The following WWC2 variants were observed in gnomAD, a reference collection of about 807,000 sequenced individuals.
The protein encoded by WWC2 is WW and C2 domain containing 2.
Under a neutral mutation model 138.5 loss-of-function variants are expected in WWC2, and 101 were observed. The observed-to-expected ratio is 0.73, with a 90% CI of 0.62 to 0.86. The LOEUF (loss-of-function observed/expected upper bound fraction) is 0.86, where lower values mean the gene tolerates loss of function less well. WWC2 is among the 40% of genes least tolerant of loss of function. The pLI, the probability that WWC2 is intolerant of heterozygous loss-of-function variation, is 0.00. For synonymous variants in WWC2, 558 were observed against 538.4 expected, an observed-to-expected ratio of 1.04 and a Z score of -0.50; for missense variants, 1,420 against 1,419.4, an observed-to-expected ratio of 1.00 and a Z score of -0.01.
intron 19 of WWC2, among the ~76,000 whole-genome samples, chr4:183,284,769 C>G (rs80272622): frequency 1.2e-3 from 185 of 152,224 alleles, no homozygotes; most frequent in African/African-American, 4.0e-3. Context: ...CCATGTTTGT[C>G]TTGTTGAACT....
chr4:183,308,514 A>G (rs1283843472), intron 21 of WWC2, among the ~76,000 whole-genome samples: 1 of 152,204 alleles, frequency 6.6e-6, no homozygotes, highest in Non-Finnish European at 1.5e-5. Context: ...TGGTGAAAAA[A>G]TAGACAAATC....
intron 1 of WWC2, among the ~76,000 whole-genome samples, chr4:183,117,440 C>T (rs901287518): frequency 2.6e-5 from 4 of 151,620 alleles, no homozygotes; most frequent in African/African-American, 4.8e-5. Context: ...AGGCTGGTCT[C>T]GAACTCCTGA....
chr4:183,145,512 G>A (rs1379228697), intron 1 of WWC2, among the ~76,000 whole-genome samples: 1 of 152,168 alleles, frequency 6.6e-6, no homozygotes, highest in Non-Finnish European at 1.5e-5. Context: ...TACATAGCAA[G>A]CTTGCTAGGG....
intron 1 of WWC2, among the ~76,000 whole-genome samples, chr4:183,178,292 A>G (rs1428791730): frequency 2.0e-5 from 3 of 151,630 alleles, no homozygotes; most frequent in East Asian, 1.9e-4. Flanking sequence ...TATAATTTCA[A>G]CTCTTCGGGA....
At chr4:183,122,562 C>T (rs1417930477) in intron 1 of WWC2, among the ~76,000 whole-genome samples, 1 of 152,068 alleles carries the variant, frequency 6.6e-6, no homozygotes, top group East Asian at 1.9e-4. Flanking sequence ...TACTCTGTTG[C>T]CCAGGCTGGA....
At chr4:183,312,202 A>G (rs1211778465) in intron 21 of WWC2, 139 bp from the exon 22 acceptor site, 1 of 1,128,096 alleles carries the variant, frequency 8.9e-7, no homozygotes, top group Non-Finnish European at 1.3e-6. Flanking sequence ...CTGATGGGTG[A>G]TAAAAAGGAC....
chr4:183,259,849 T>TA, intron 10 of WWC2, 121 bp downstream of exon 10: 1 of 753,300 alleles, frequency 1.3e-6, no homozygotes, highest in Admixed American at 2.9e-5. Context: ...GTAGCACAGT[T>TA]ACTGTTTGAG....
chr4:183,176,155 A>G (rs1332844403), intron 1 of WWC2, among the ~76,000 whole-genome samples: 1 of 152,240 alleles, frequency 6.6e-6, no homozygotes, highest in African/African-American at 2.4e-5. Flanking sequence ...CCAGAGGAAC[A>G]TAGAGGCTAG....
chr4:183,292,520 T>C (rs1288356562), intron 21 of WWC2, among the ~76,000 whole-genome samples: 5 of 152,028 alleles, frequency 3.3e-5, no homozygotes, highest in African/African-American at 9.7e-5. Flanking sequence ...CAAAAGTATA[T>C]GCCTACAATT....
intron 14 of WWC2, among the ~76,000 whole-genome samples, chr4:183,267,792 A>G (rs1392188156): frequency 3.3e-5 from 5 of 152,214 alleles, no homozygotes; most frequent in African/African-American, 9.6e-5. Context: ...AGTTGGTGCG[A>G]ACCTTCCTGA....
chr4:183,115,748 A>G (rs1259561041), intron 1 of WWC2, among the ~76,000 whole-genome samples: 1 of 151,852 alleles, frequency 6.6e-6, no homozygotes, highest in Admixed American at 6.6e-5. Context: ...TGGATTTCAG[A>G]CCTTTGTCAG....
intron 1 of WWC2, among the ~76,000 whole-genome samples, chr4:183,109,732 C>T (rs532378148): frequency 2.0e-5 from 3 of 152,304 alleles, no homozygotes; most frequent in Non-Finnish European, 2.9e-5. Flanking sequence ...CAGTCTGTGG[C>T]TAGGGGTTGG....
chr4:183,112,358 T>C (rs1732262589), intron 1 of WWC2, among the ~76,000 whole-genome samples: 3 of 152,262 alleles, frequency 2.0e-5, no homozygotes, highest in African/African-American at 7.2e-5. Flanking sequence ...CTGCTTTGTG[T>C]GTGCCCCTTC....
intron 1 of WWC2, among the ~76,000 whole-genome samples, chr4:183,145,298 G>A (rs1733421754): frequency 6.6e-6 from 1 of 152,008 alleles, no homozygotes; most frequent in African/African-American, 2.4e-5. Flanking sequence ...AATATTCCTG[G>A]CAATATTTAT....
intron 1 of WWC2, among the ~76,000 whole-genome samples, chr4:183,186,073 G>T (rs566384074): frequency 6.6e-6 from 1 of 150,626 alleles, no homozygotes; most frequent in African/African-American, 2.4e-5. Context: ...TCAGTCTCCC[G>T]AGTAGCTGGG....
intron 1 of WWC2, among the ~76,000 whole-genome samples, chr4:183,133,782 A>G (rs1381841093): frequency 6.6e-6 from 1 of 152,218 alleles, no homozygotes; most frequent in Non-Finnish European, 1.5e-5. Context: ...GGCGTGAGCC[A>G]CCATGCCCCG....
chr4:183,169,095 G>A (rs1004727924), intron 1 of WWC2, among the ~76,000 whole-genome samples: 3 of 152,166 alleles, frequency 2.0e-5, no homozygotes, highest in African/African-American at 2.4e-5. Context: ...TGATCTGCCC[G>A]CCTTGGCCTC....
At chr4:183,310,040 CAG>C (rs1739157437) in intron 21 of WWC2, among the ~76,000 whole-genome samples, 3 of 152,120 alleles carry the variant, frequency 2.0e-5, no homozygotes, top group Non-Finnish European at 2.9e-5. Context: ...GTGAAGAGAT[CAG>C]TGGTTAGGGG....
At chr4:183,233,966 G>A (rs1009242986) in intron 4 of WWC2, 1 of 152,204 alleles carries the variant, frequency 6.6e-6, no homozygotes, top group African/African-American at 2.4e-5. Flanking sequence ...GCAGTCATTA[G>A]TAAAATACCA....
Sources: allele counts gnomAD v4.1 joint callset (sites outside exome capture counted in the v4.1 genomes callset), GRCh38; gene constraint gnomAD v4.1.1; transcripts MANE v1.5; gene names NCBI Gene and HGNC (gene_info 2026-07-23, HGNC 2026-07-21).